The following ROR1 variants were observed in gnomAD, a reference collection of about 807,000 sequenced individuals.
The protein encoded by ROR1 is inactive tyrosine-protein kinase transmembrane receptor ROR1.
ROR1 carries 19 observed loss-of-function variants against 78.8 expected under a neutral mutation model. That is an observed-to-expected ratio of 0.24 (90% CI 0.17 to 0.35). The LOEUF (loss-of-function observed/expected upper bound fraction) is 0.35. Among genes scored for constraint, ROR1 ranks in the 10% least tolerant of loss-of-function variants. ROR1 has a pLI of 1.00. For synonymous variants in ROR1, 386 were observed against 433.6 expected (o/e 0.89, Z 1.36); for missense variants, 917 against 1,177.8 (o/e 0.78, Z 3.24).
chr1:64,096,008 T>C (rs933872116), intron 4 of ROR1, among the ~76,000 whole-genome samples: 3 of 151,430 alleles, frequency 2.0e-5, no homozygotes, highest in Non-Finnish European at 4.4e-5. Context: ...CTCTGAAGTA[T>C]ACTTTTGTAC....
intron 1 of ROR1, among the ~76,000 whole-genome samples, chr1:63,996,956 C>T (rs1250533564): frequency 1.3e-5 from 2 of 152,156 alleles, no homozygotes; most frequent in Non-Finnish European, 2.9e-5. Context: ...TATCTCAGGC[C>T]TTGATCCTTT....
chr1:63,849,089 A>T (rs1004967644), intron 1 of ROR1, among the ~76,000 whole-genome samples: 1 of 152,122 alleles, frequency 6.6e-6, no homozygotes, highest in Non-Finnish European at 1.5e-5. Context: ...TAAAGAAAAA[A>T]CATGGAATGT....
At chr1:63,932,948 C>G (rs1249594197) in intron 1 of ROR1, among the ~76,000 whole-genome samples, 1 of 152,134 alleles carries the variant, frequency 6.6e-6, no homozygotes, top group Non-Finnish European at 1.5e-5. Flanking sequence ...TCTTTGCCCA[C>G]CTGTCTGACA....
chr1:64,144,719 C>T lies in ROR1; in HGVS notation c.1174+2069C>T, dbSNP rs370564677. 1.3e-4 allele frequency among the ~76,000 whole-genome samples: 20 copies of T among 152,308 alleles called. 1 individual carries two copies. The highest frequency in any genetic ancestry group is 9.2e-4 in the Admixed American group (14 of 15,294). ...AATCATGATTTTAACTCAGGTCAGC[C>T]GGATTCCCAAACCTGTTGGCTCTTT... is the stretch of plus-strand genomic sequence containing the variant. On this transcript the variant is annotated intron_variant, in intron 7 of 8. Transcript: ENST00000371079.
At chr1:63,929,402 G>A (rs1037689461) in intron 1 of ROR1, among the ~76,000 whole-genome samples, 3 of 152,032 alleles carry the variant, frequency 2.0e-5, no homozygotes, top group Non-Finnish European at 4.4e-5. Flanking sequence ...CTTTCCCAGA[G>A]TTCTCCTAGC....
At chr1:63,835,683 G>C (rs1645015353) in intron 1 of ROR1, among the ~76,000 whole-genome samples, 1 of 152,186 alleles carries the variant, frequency 6.6e-6, no homozygotes, top group Non-Finnish European at 1.5e-5. Flanking sequence ...CCTTCCTTTT[G>C]AGAAGCTCAT....
chr1:63,820,991 G>A (rs1309201063), intron 1 of ROR1, among the ~76,000 whole-genome samples: 1 of 152,136 alleles, frequency 6.6e-6, no homozygotes, highest in African/African-American at 2.4e-5. Flanking sequence ...CTTGTAACAA[G>A]CTGTGCTTGT....
At chr1:63,869,930 GTTATAAAGCTAATTTGT>G (rs1356617800) in intron 1 of ROR1, among the ~76,000 whole-genome samples, 2 of 152,184 alleles carry the variant, frequency 1.3e-5, no homozygotes, top group East Asian at 3.8e-4. Flanking sequence ...TGACTGGCAT[GTTATAAAGCTAATTTGT>G]TTATAGTTGT....
At chr1:64,112,795 CA>C (rs1648160597) in intron 4 of ROR1, among the ~76,000 whole-genome samples, 1 of 147,968 alleles carries the variant, frequency 6.8e-6, no homozygotes, top group Non-Finnish European at 1.5e-5. Flanking sequence ...CTTATAGGTT[CA>C]ACTGGCAGTT....
chr1:63,955,863 G>A (rs997461294), intron 1 of ROR1, among the ~76,000 whole-genome samples: 16 of 152,200 alleles, frequency 1.1e-4, no homozygotes, highest in Admixed American at 2.0e-4. Flanking sequence ...TCGGCTAGAA[G>A]GCCTCTGAGC....
In ROR1 at chr1:64,045,097, T is replaced by C. The variant is rs868722301; in HGVS notation, c.164-4594T>C. Among the ~76,000 whole-genome samples the C allele has an allele frequency of 4.6e-5, 7 of 152,254 alleles. No homozygotes were observed. The South Asian group carries it at 1.4e-3, about 31-fold the overall frequency. ...ATAGATTATGAAAAGTTTATTGATA[T>C]GATTTCAGATTTCACATTGCAACCA... On this transcript the variant is annotated intron_variant, in intron 2 of 8. Coordinates refer to ENST00000371079, the MANE Select transcript of ROR1 (RefSeq NM_005012.4).
chr1:63,978,518 C>G (rs917048948), intron 1 of ROR1, among the ~76,000 whole-genome samples: 3 of 152,128 alleles, frequency 2.0e-5, no homozygotes, highest in Non-Finnish European at 4.4e-5. Context: ...GTCTGCAATT[C>G]CCAAATATAG....
chr1:63,950,094 T>C (rs994249293), intron 1 of ROR1, among the ~76,000 whole-genome samples: 2 of 152,142 alleles, frequency 1.3e-5, no homozygotes, highest in Non-Finnish European at 2.9e-5. Flanking sequence ...CTCTGGAGAT[T>C]CTGATTAAGT....
intron 3 of ROR1, among the ~76,000 whole-genome samples, chr1:64,050,386 C>T (rs1646818961): frequency 6.6e-6 from 1 of 152,174 alleles, no homozygotes; most frequent in African/African-American, 2.4e-5. Flanking sequence ...CATGCAACCA[C>T]TCAGCCCATT....
At chr1:63,890,393 T>C (rs535380210) in intron 1 of ROR1, among the ~76,000 whole-genome samples, 1 of 151,096 alleles carries the variant, frequency 6.6e-6, no homozygotes, top group Admixed American at 6.7e-5. Context: ...ACTTATTTCA[T>C]ACCTGTCCTG....
At chr1:64,010,366 C>CTTTTTT (rs74685806) in intron 2 of ROR1, among the ~76,000 whole-genome samples, 6 of 141,980 alleles carry the variant, frequency 4.2e-5, no homozygotes, top group African/African-American at 1.3e-4. Context: ...TTCTATCTTA[C>CTTTTTT]TTTTTTTTTT....
intron 1 of ROR1, among the ~76,000 whole-genome samples, chr1:63,937,627 A>C (rs1645804160): frequency 6.6e-6 from 1 of 152,178 alleles, no homozygotes; most frequent in Non-Finnish European, 1.5e-5. Context: ...GAGTGGTCCT[A>C]ACGTTGAATA....
intron 4 of ROR1, among the ~76,000 whole-genome samples, chr1:64,092,772 A>G (rs574001492): frequency 4.3e-4 from 65 of 152,326 alleles, no homozygotes; most frequent in African/African-American, 1.5e-3. Flanking sequence ...TACAGAAATA[A>G]TGGAGCCTTT....
chr1:63,859,304 T>A (rs988673058), intron 1 of ROR1, among the ~76,000 whole-genome samples: 1 of 152,182 alleles, frequency 6.6e-6, no homozygotes, highest in Non-Finnish European at 1.5e-5. Context: ...GAAGATCCCC[T>A]CTTCTATTTT....
Sources: gnomAD v4.1 joint callset for allele counts (sites outside exome capture counted in the v4.1 genomes callset) on GRCh38, gnomAD v4.1.1 for gene constraint, MANE v1.5 for transcripts, NCBI Gene and HGNC (gene_info 2026-07-23, HGNC 2026-07-21) for gene names.